The following SAMTOR variants were observed in gnomAD, a reference collection of about 807,000 sequenced individuals.
The protein encoded by SAMTOR is S-adenosylmethionine sensor upstream of mTORC1.
the SAMTOR span, among the ~76,000 whole-genome samples, chr7:112,830,715 G>T: frequency 6.6e-6 from 1 of 152,154 alleles, no homozygotes; most frequent in East Asian, 1.9e-4. Flanking sequence ...TTTAGGACTT[G>T]CTTGTTCCTT....
At chr7:112,852,879 C>A in the SAMTOR span, among the ~76,000 whole-genome samples, 2 of 151,750 alleles carry the variant, frequency 1.3e-5, no homozygotes, top group Non-Finnish European at 2.9e-5. Flanking sequence ...TGATAATGAA[C>A]CAGAGTTTCT....
chr7:112,912,907 C>A, the SAMTOR span, among the ~76,000 whole-genome samples: 1 of 152,126 alleles, frequency 6.6e-6, no homozygotes, highest in Non-Finnish European at 1.5e-5. Context: ...AAGAATACTA[C>A]CTATCAAAGT....
chr7:112,864,908 C>T, the SAMTOR span, among the ~76,000 whole-genome samples: 4 of 152,106 alleles, frequency 2.6e-5, no homozygotes, highest in Admixed American at 6.6e-5. Flanking sequence ...TGCGTAGCAC[C>T]GTGCCCCACT....
At chr7:112,839,661 C>T in the SAMTOR span, among the ~76,000 whole-genome samples, 2 of 151,752 alleles carry the variant, frequency 1.3e-5, no homozygotes, top group African/African-American at 2.4e-5. Flanking sequence ...TAACTAGATA[C>T]TATATGTAAT....
At chr7:112,916,879 C>G in the SAMTOR span, among the ~76,000 whole-genome samples, 2 of 152,298 alleles carry the variant, frequency 1.3e-5, no homozygotes, top group South Asian at 4.1e-4. Flanking sequence ...AAGGCGGCAG[C>G]GAGACTGGGG....
At chr7:112,840,523 AT>A in the SAMTOR span, among the ~76,000 whole-genome samples, 2 of 151,818 alleles carry the variant, frequency 1.3e-5, no homozygotes, top group Admixed American at 6.6e-5. Context: ...GTTATACTTC[AT>A]TTTTAACTTC....
the SAMTOR span, among the ~76,000 whole-genome samples, chr7:112,930,450 A>C: frequency 6.6e-6 from 1 of 152,042 alleles, no homozygotes; most frequent in Non-Finnish European, 1.5e-5. Context: ...TGGGAAGAAA[A>C]CACCACCAAT....
At chr7:112,842,224 A>T in the SAMTOR span, among the ~76,000 whole-genome samples, 10 of 152,024 alleles carry the variant, frequency 6.6e-5, no homozygotes, top group African/African-American at 2.4e-4. Flanking sequence ...TACAAGGTTT[A>T]AAGTTTTGTG....
the SAMTOR span, among the ~76,000 whole-genome samples, chr7:112,908,231 T>C: frequency 2.0e-5 from 3 of 152,228 alleles, no homozygotes; most frequent in African/African-American, 7.2e-5. Context: ...CTTTCCTTAA[T>C]GTGAGTGGGC....
chr7:112,932,253 C>G, the SAMTOR span, among the ~76,000 whole-genome samples: 3 of 152,024 alleles, frequency 2.0e-5, no homozygotes, highest in African/African-American at 7.2e-5. Context: ...TACCAACATA[C>G]AGAGAGACAT....
chr7:112,933,940 T>G, the SAMTOR span, among the ~76,000 whole-genome samples: 2 of 152,128 alleles, frequency 1.3e-5, no homozygotes, highest in Non-Finnish European at 2.9e-5. Flanking sequence ...CAAAACCAAC[T>G]GAAAATACTG....
At chr7:112,895,096 AT>A in the SAMTOR span, among the ~76,000 whole-genome samples, 7 of 152,002 alleles carry the variant, frequency 4.6e-5, no homozygotes, top group South Asian at 1.5e-3. Context: ...ATTTTTCCTT[AT>A]TTGTAAATTC....
the SAMTOR span, among the ~76,000 whole-genome samples, chr7:112,830,661 G>A: frequency 6.6e-6 from 1 of 152,118 alleles, no homozygotes; most frequent in Non-Finnish European, 1.5e-5. Context: ...TAAGAACAGT[G>A]ATTTTATAAT....
the SAMTOR span, among the ~76,000 whole-genome samples, chr7:112,929,658 T>C: frequency 1.3e-5 from 2 of 152,042 alleles, no homozygotes; most frequent in Non-Finnish European, 2.9e-5. Context: ...TTACTCACAA[T>C]AGCTAAGAAA....
chr7:112,918,218 A>C, the SAMTOR span, among the ~76,000 whole-genome samples: 1 of 152,216 alleles, frequency 6.6e-6, no homozygotes, highest in African/African-American at 2.4e-5. Flanking sequence ...TTACCCACAA[A>C]GGGAAGCCCA....
At chr7:112,899,789 G>GAAAAAAAAAAAAAAAAAA in the SAMTOR span, among the ~76,000 whole-genome samples, 1 of 113,382 alleles carries the variant, frequency 8.8e-6, no homozygotes, top group South Asian at 2.9e-4. Context: ...TGTGCTGAAG[G>GAAAAAAAAAAAAAAAAAA]AAAAAAAAAA....
chr7:112,862,819 C>T, the SAMTOR span, among the ~76,000 whole-genome samples: 1 of 151,822 alleles, frequency 6.6e-6, no homozygotes, highest in Non-Finnish European at 1.5e-5. Context: ...ATCCCAGCTA[C>T]TCTGGAGGCT....
At chr7:112,822,094 T>C in the SAMTOR span, 1 of 1,613,684 alleles carries the variant, frequency 6.2e-7, no homozygotes. Context: ...CAGCTTTTCA[T>C]CATCATAGCA....
the SAMTOR span, among the ~76,000 whole-genome samples, chr7:112,888,189 T>C: frequency 6.6e-6 from 1 of 152,134 alleles, no homozygotes. Flanking sequence ...CTGACCCTTG[T>C]GCTATTTAGA....
Sources: gnomAD v4.1 joint callset for allele counts (sites outside exome capture counted in the v4.1 genomes callset) on GRCh38, gnomAD v4.1.1 for gene constraint, MANE v1.5 for transcripts, NCBI Gene and HGNC (gene_info 2026-07-23, HGNC 2026-07-21) for gene names.